CCDC7: variants seen among roughly 807,000 people sequenced by gnomAD.
CCDC7 encodes the protein coiled-coil domain containing 7, also known as coiled-coil domain-containing protein 7.
A neutral mutation model predicts 196.9 loss-of-function variants in CCDC7; 183 were observed. The observed-to-expected ratio is 0.93, with a 90% CI of 0.82 to 1.05. The LOEUF is 1.05. Among genes scored for constraint, CCDC7 ranks in the 50% least tolerant of loss-of-function variants. CCDC7 has a pLI of 0.00. For synonymous variants in CCDC7, 525 were observed against 484.6 expected, an observed-to-expected ratio of 1.08 and a Z score of -1.10; for missense variants, 1,540 against 1,482.2, an observed-to-expected ratio of 1.04 and a Z score of -0.64.
At chr10:32,709,515 G>A (rs2080445584) in intron 24 of CCDC7, among the ~76,000 whole-genome samples, 1 of 151,958 alleles carries the variant, frequency 6.6e-6, no homozygotes, top group Non-Finnish European at 1.5e-5. Flanking sequence ...ATAAAACCTA[G>A]ATCTTTCAGA....
intron 29 of CCDC7, among the ~76,000 whole-genome samples, chr10:32,802,241 T>G (rs2084942707): frequency 6.6e-6 from 1 of 152,206 alleles, no homozygotes; most frequent in African/African-American, 2.4e-5. Flanking sequence ...ACCAACCAAC[T>G]TCTTTACATT....
chr10:32,729,385 G>A (rs1013574812), exon 28 of CCDC7: 5 of 1,538,492 alleles, frequency 3.2e-6, no homozygotes, highest in Admixed American at 1.8e-5. Context: ...TCTGTTGCCT[G>A]AGGAGAAAGT....
intron 18 of CCDC7, among the ~76,000 whole-genome samples, chr10:32,598,867 A>T (rs1445746992): frequency 6.6e-6 from 1 of 152,146 alleles, no homozygotes; most frequent in East Asian, 1.9e-4. Context: ...TGTACACTAG[A>T]AAAAAATTGT....
chr10:32,593,422 A>G (rs1035311282), intron 18 of CCDC7, among the ~76,000 whole-genome samples: 5 of 152,030 alleles, frequency 3.3e-5, no homozygotes, highest in African/African-American at 7.2e-5. Flanking sequence ...AAATTTGTTT[A>G]AGTTCTTTGT....
At position 32,476,680 on chromosome 10, in the gene CCDC7, A is replaced by G. The variant is rs187758572; in HGVS notation, c.796+2657A>G. Among the ~76,000 whole-genome samples the G allele has an allele frequency of 1.2e-4, 19 of 152,330 alleles. No homozygotes were observed. The South Asian group carries it at 1.7e-3, about 13-fold the overall frequency. ...GTACCATTTTGCATTCCCCCCTGCA[A>G]TTGAGGAGAATTCTTGTTGCTCCAT... is the stretch of plus-strand genomic sequence containing the variant. On this transcript the variant is annotated intron_variant, in intron 8 of 41. Coordinates refer to ENST00000639629, the Ensembl canonical transcript of CCDC7.
At chr10:32,666,677 T>A (rs924245655) in intron 21 of CCDC7, among the ~76,000 whole-genome samples, 1 of 152,126 alleles carries the variant, frequency 6.6e-6, no homozygotes, top group Non-Finnish European at 1.5e-5. Flanking sequence ...GTTTCCAGCT[T>A]CATCCATGTC....
chr10:32,791,935 G>A (rs1166876529), intron 29 of CCDC7, among the ~76,000 whole-genome samples: 1 of 152,082 alleles, frequency 6.6e-6, no homozygotes. Flanking sequence ...TAATCAAACT[G>A]TCAAAGTCAA....
chr10:32,497,488 T>C (rs1388867865), intron 9 of CCDC7, among the ~76,000 whole-genome samples: 1 of 152,150 alleles, frequency 6.6e-6, no homozygotes, highest in Non-Finnish European at 1.5e-5. Flanking sequence ...GATGTTAGGG[T>C]GTTGGTTTTA....
At chr10:32,537,060 C>G (rs2050627293) in intron 11 of CCDC7, among the ~76,000 whole-genome samples, 2 of 152,048 alleles carry the variant, frequency 1.3e-5, no homozygotes, top group Non-Finnish European at 2.9e-5. Flanking sequence ...TTTTTAAGTT[C>G]TTTGAGGAAT....
At chr10:32,598,417 G>T (rs1234108547) in intron 18 of CCDC7, among the ~76,000 whole-genome samples, 1 of 152,188 alleles carries the variant, frequency 6.6e-6, no homozygotes, top group Admixed American at 6.5e-5. Context: ...GCTTCCCTTT[G>T]CTAGGAAAGG....
intron 21 of CCDC7, among the ~76,000 whole-genome samples, chr10:32,674,960 A>C (rs2074677025): frequency 1.3e-5 from 2 of 151,882 alleles, no homozygotes; most frequent in African/African-American, 4.8e-5. Flanking sequence ...TTAGTGTTTA[A>C]GCCCGTCACT....
At chr10:32,702,453 T>C (rs183794894) in intron 24 of CCDC7, among the ~76,000 whole-genome samples, 3 of 152,324 alleles carry the variant, frequency 2.0e-5, no homozygotes, top group Admixed American at 1.3e-4. Flanking sequence ...TGTGGTCAAT[T>C]TTCGAATAGG....
chr10:32,583,793 A>AG (rs2058967220), intron 17 of CCDC7, among the ~76,000 whole-genome samples: 1 of 152,124 alleles, frequency 6.6e-6, no homozygotes, highest in Non-Finnish European at 1.5e-5. Context: ...AAAAGATAAA[A>AG]GGGCTGTACA....
intron 2 of CCDC7, 36 bp from the exon 4 acceptor site, chr10:32,456,214 TA>T: frequency 6.8e-7 from 1 of 1,477,602 alleles, no homozygotes; most frequent in South Asian, 1.5e-5. Flanking sequence ...TATGGATTCT[TA>T]AATGTAACTT....
At chr10:32,621,593 GT>G (rs2063419954) in intron 18 of CCDC7, among the ~76,000 whole-genome samples, 1 of 152,150 alleles carries the variant, frequency 6.6e-6, no homozygotes, top group African/African-American at 2.4e-5. Context: ...GTGTAATTCA[GT>G]CTGAATCTGA....
chr10:32,731,793 C>G (rs1339222040), intron 28 of CCDC7, among the ~76,000 whole-genome samples: 1 of 152,150 alleles, frequency 6.6e-6, no homozygotes. Flanking sequence ...GTGACTCAAG[C>G]CTGTAATCCC....
intron 8 of CCDC7, among the ~76,000 whole-genome samples, chr10:32,484,214 G>A (rs568994476): frequency 2.0e-5 from 3 of 152,036 alleles, no homozygotes; most frequent in Admixed American, 6.6e-5. Flanking sequence ...TCCTTCACAT[G>A]CCCTGTAAGT....
intron 41 of CCDC7, among the ~76,000 whole-genome samples, chr10:32,859,356 T>C (rs1251909400): frequency 6.6e-6 from 1 of 152,222 alleles, no homozygotes; most frequent in Non-Finnish European, 1.5e-5. Context: ...GATAAAGATG[T>C]TCTTTGAAAC....
rs147660203 is a variant in CCDC7 at position 32,497,991 on chromosome 10, G to A, written c.872+5994G>A. On this transcript the variant is annotated intron_variant, in intron 9 of 41. Coordinates refer to ENST00000639629, the Ensembl canonical transcript of CCDC7. ...TTGATTTGTCTAATATTGACAGTGG[G>A]GTGTTAAAGTCTCCCACAATAATTG... Among the ~76,000 whole-genome samples, 1,176 of 152,002 alleles carry A rather than the reference G, an allele frequency of 7.7e-3. 19 individuals are homozygous for A. The highest frequency in any genetic ancestry group is 0.025 in the African/African-American group (1,028 of 41,446).
Sources: gnomAD v4.1 joint callset for allele counts (sites outside exome capture counted in the v4.1 genomes callset) on GRCh38, gnomAD v4.1.1 for gene constraint, MANE v1.5 for transcripts, NCBI Gene and HGNC (gene_info 2026-07-23, HGNC 2026-07-21) for gene names.